Variants in GRIP1 observed in about 807,000 individuals in gnomAD.
The protein encoded by GRIP1 is glutamate receptor interacting protein 1.
A neutral mutation model predicts 129.9 loss-of-function variants in GRIP1; 45 were observed. That is an observed-to-expected ratio of 0.35 (90% CI 0.27 to 0.44). GRIP1 has a LOEUF of 0.44. Among genes scored for constraint, GRIP1 ranks in the 20% least tolerant of loss-of-function variants. The pLI, the probability that GRIP1 is intolerant of heterozygous loss-of-function variation, is 1.00. For missense variants in GRIP1, 1,196 were observed against 1,396.8 expected, an observed-to-expected ratio of 0.86 and a Z score of 2.29; for synonymous variants, 530 against 520.8, an observed-to-expected ratio of 1.02 and a Z score of -0.24.
intron 1 of GRIP1, among the ~76,000 whole-genome samples, chr12:66,974,165 C>T (rs533991835): frequency 6.6e-6 from 1 of 152,050 alleles, no homozygotes; most frequent in African/African-American, 2.4e-5. Context: ...CTCAGGTGAT[C>T]CTCCCACCTC....
chr12:67,039,187 A>T (rs2043141211), intron 1 of GRIP1, among the ~76,000 whole-genome samples: 2 of 152,318 alleles, frequency 1.3e-5, no homozygotes, highest in South Asian at 4.1e-4. Context: ...TATATTTTTG[A>T]CTATTTGGGA....
At chr12:66,679,444 CAAAAAAA>C (rs10691128), upstream of GRIP1, among the ~76,000 whole-genome samples, 1,002 of 117,404 alleles carry the variant, frequency 8.5e-3, 20 homozygotes, top group East Asian at 0.043. Context: ...AAACAACAAC[CAAAAAAA>C]AAAAAAAAAA....
intron 1 of GRIP1, among the ~76,000 whole-genome samples, chr12:66,979,550 T>C (rs1056875123): frequency 7.9e-5 from 12 of 152,224 alleles, no homozygotes; most frequent in Admixed American, 3.9e-4. Context: ...ATTATGGCCA[T>C]GAACCCACAT....
chr12:66,420,850 A>C, intron 14 of GRIP1, 61 bp from the exon 15 acceptor site: 1 of 921,404 alleles, frequency 1.1e-6, no homozygotes. Flanking sequence ...CTTACTGTAC[A>C]TTTCCCCTGT....
intron 9 of GRIP1, among the ~76,000 whole-genome samples, chr12:66,461,013 A>G (rs1169369039): frequency 1.3e-5 from 2 of 152,214 alleles, no homozygotes; most frequent in African/African-American, 4.8e-5. Flanking sequence ...TGGAGTCAGA[A>G]GTGGAAGCTA....
chr12:66,658,902 C>A (rs2033333272), intron 1 of GRIP1, among the ~76,000 whole-genome samples: 1 of 149,806 alleles, frequency 6.7e-6, no homozygotes, highest in African/African-American at 2.5e-5. Context: ...CCAGTCTGAG[C>A]AACACAGTGA....
intron 1 of GRIP1, among the ~76,000 whole-genome samples, chr12:66,833,804 G>C (rs1318171858): frequency 1.3e-5 from 2 of 152,104 alleles, no homozygotes; most frequent in Non-Finnish European, 2.9e-5. Flanking sequence ...AAAGTAGAGG[G>C]AAAAGCCTTA....
chr12:66,643,768 T>C (rs1156527779), intron 1 of GRIP1, among the ~76,000 whole-genome samples: 1 of 152,140 alleles, frequency 6.6e-6, no homozygotes, highest in Non-Finnish European at 1.5e-5. Flanking sequence ...CTCACTATGT[T>C]GCCCAGGCTG....
intron 1 of GRIP1, among the ~76,000 whole-genome samples, chr12:66,744,475 G>A (rs553598318): frequency 6.6e-6 from 1 of 152,252 alleles, no homozygotes; most frequent in Admixed American, 6.5e-5. Flanking sequence ...TCCTCAGCTA[G>A]ATTCCTGCTG....
chr12:66,775,547 G>A (rs2037953226), intron 1 of GRIP1, among the ~76,000 whole-genome samples: 1 of 152,180 alleles, frequency 6.6e-6, no homozygotes, highest in South Asian at 2.1e-4. Context: ...TTCTGGGATG[G>A]AATCTATTAC....
chr12:66,825,111 A>T (rs942648365), intron 1 of GRIP1, among the ~76,000 whole-genome samples: 2 of 152,164 alleles, frequency 1.3e-5, no homozygotes, highest in African/African-American at 4.8e-5. Flanking sequence ...AATCTCATTA[A>T]ACTGAACCTT....
chr12:66,985,771 G>A (rs1263987826), intron 1 of GRIP1, among the ~76,000 whole-genome samples: 1 of 152,094 alleles, frequency 6.6e-6, no homozygotes, highest in African/African-American at 2.4e-5. Context: ...AAACAGCACT[G>A]TAAATCAAAA....
intron 1 of GRIP1, among the ~76,000 whole-genome samples, chr12:66,634,070 T>C (rs2031116359): frequency 1.3e-5 from 2 of 152,224 alleles, no homozygotes; most frequent in South Asian, 2.1e-4. Context: ...TATACTTCAT[T>C]AGGCAACAAA....
chr12:66,748,167 A>AC (rs939485957), intron 1 of GRIP1, among the ~76,000 whole-genome samples: 1 of 151,946 alleles, frequency 6.6e-6, no homozygotes, highest in Admixed American at 6.6e-5. Flanking sequence ...TACAGGGCAC[A>AC]CCATCATGTC....
intron 1 of GRIP1, among the ~76,000 whole-genome samples, chr12:67,001,735 C>T (rs2042553732): frequency 1.3e-5 from 2 of 152,114 alleles, no homozygotes; most frequent in South Asian, 4.2e-4. Context: ...CCCCACCACT[C>T]ACTCTTGTCT....
At chr12:67,069,178 G>A (rs2043691625), upstream of GRIP1, 2 of 904,024 alleles carry the variant, frequency 2.2e-6, no homozygotes, top group East Asian at 1.2e-4. Flanking sequence ...GGCTCTCCGC[G>A]CCTCCTCGCT....
At chr12:66,851,461 A>G (rs1049159384) in intron 1 of GRIP1, among the ~76,000 whole-genome samples, 35 of 152,122 alleles carry the variant, frequency 2.3e-4, no homozygotes, top group African/African-American at 8.0e-4. Flanking sequence ...AAATTTATAT[A>G]GCCTTTTTAT....
intron 1 of GRIP1, among the ~76,000 whole-genome samples, chr12:66,603,139 G>A (rs1483816180): frequency 6.6e-6 from 1 of 150,948 alleles, no homozygotes; most frequent in African/African-American, 2.4e-5. Flanking sequence ...TGGATTATAG[G>A]CATGAACCAC....
intron 1 of GRIP1, among the ~76,000 whole-genome samples, chr12:66,750,251 G>C (rs2037082591): frequency 6.6e-6 from 1 of 152,134 alleles, no homozygotes; most frequent in African/African-American, 2.4e-5. Flanking sequence ...GGCTTTATTA[G>C]GAAATTTATA....
Sources: allele counts gnomAD v4.1 joint callset (sites outside exome capture counted in the v4.1 genomes callset), GRCh38; gene constraint gnomAD v4.1.1; transcripts MANE v1.5; gene names NCBI Gene and HGNC (gene_info 2026-07-23, HGNC 2026-07-21).